Variants in SORCS1 observed in about 807,000 individuals in gnomAD.
SORCS1 encodes the protein VPS10 domain-containing receptor SorCS1.
A neutral mutation model predicts 146.1 loss-of-function variants in SORCS1; 60 were observed. The observed-to-expected ratio is 0.41, with a 90% CI of 0.33 to 0.51. SORCS1 has a LOEUF of 0.51. Ranked by LOEUF, SORCS1 falls within the 20% of genes least tolerant of loss-of-function variation. SORCS1 has a pLI of 0.21. For synonymous variants in SORCS1, 637 were observed against 584.0 expected, an observed-to-expected ratio of 1.09 and a Z score of -1.31; for missense variants, 1,352 against 1,487.6, an observed-to-expected ratio of 0.91 and a Z score of 1.50.
chr10:106,939,098 T>C (rs143699990), intron 2 of SORCS1, among the ~76,000 whole-genome samples: 1 of 152,248 alleles, frequency 6.6e-6, no homozygotes, highest in East Asian at 1.9e-4. Flanking sequence ...CAATACCAAA[T>C]TTAAGAAAAA....
intron 1 of SORCS1, among the ~76,000 whole-genome samples, chr10:107,092,719 C>T (rs1160744121): frequency 6.6e-6 from 1 of 151,990 alleles, no homozygotes; most frequent in Admixed American, 6.6e-5. Context: ...CCATAAGATG[C>T]CAAGTATATC....
At chr10:106,714,084 T>C (rs12241166) in intron 6 of SORCS1, among the ~76,000 whole-genome samples, 5,193 of 118,750 alleles carry the variant, frequency 0.044, 281 homozygotes, top group African/African-American at 0.14. Flanking sequence ...TGCAGTAAGC[T>C]GGGATCACGG....
At chr10:107,079,391 C>A (rs894142082) in intron 1 of SORCS1, among the ~76,000 whole-genome samples, 1 of 152,124 alleles carries the variant, frequency 6.6e-6, no homozygotes, top group African/African-American at 2.4e-5. Context: ...CTACAAACTA[C>A]ACATATTTAA....
intron 2 of SORCS1, among the ~76,000 whole-genome samples, chr10:106,851,031 C>T (rs182998988): frequency 6.6e-6 from 1 of 152,330 alleles, no homozygotes; most frequent in East Asian, 1.9e-4. Context: ...ATCTCCACTG[C>T]CACTACCTTA....
chr10:106,912,869 TG>T lies in SORCS1; in HGVS notation c.626+43643del, dbSNP rs550614952. 3.0e-3 allele frequency among the ~76,000 whole-genome samples: 460 copies of T among 152,006 alleles called. 2 individuals carry two copies. The highest frequency in any genetic ancestry group is 7.0e-3 in the African/African-American group (290 of 41,474). ...AATTTTTGTATTTTTTTAGTAGAGA[TG>T]GGGGTTTCACCATATTGGCCAGGTT... On this transcript the variant is annotated intron_variant, in intron 2 of 25. Transcript: ENST00000263054.
intron 1 of SORCS1, among the ~76,000 whole-genome samples, chr10:106,959,122 T>C (rs1210203990): frequency 6.6e-6 from 1 of 152,164 alleles, no homozygotes; most frequent in Non-Finnish European, 1.5e-5. Context: ...TGGAGCCACT[T>C]GCACAAGCAC....
intron 3 of SORCS1, among the ~76,000 whole-genome samples, chr10:106,788,842 A>G (rs1298127401): frequency 6.6e-6 from 1 of 152,130 alleles, no homozygotes; most frequent in Admixed American, 6.5e-5. Flanking sequence ...TACAGCACCA[A>G]TAGGCAGTGC....
chr10:106,996,441 T>TG (rs1390189608), intron 1 of SORCS1, among the ~76,000 whole-genome samples: 1 of 152,154 alleles, frequency 6.6e-6, no homozygotes, highest in Non-Finnish European at 1.5e-5. Context: ...CAGAAGGGTA[T>TG]GCTACAGACA....
intron 1 of SORCS1, among the ~76,000 whole-genome samples, chr10:106,978,052 T>C (rs1956105754): frequency 6.6e-6 from 1 of 152,188 alleles, no homozygotes; most frequent in Admixed American, 6.5e-5. Flanking sequence ...CAAGCGATTC[T>C]CCTGCCTCAG....
chr10:107,170,350 T>C, the SORCS1 span, among the ~76,000 whole-genome samples: 3 of 152,186 alleles, frequency 2.0e-5, no homozygotes, highest in African/African-American at 7.2e-5. Flanking sequence ...CATTTCACTT[T>C]TGTTGCTTCA....
rs71025561 is a variant in SORCS1, at chr10:106,832,181, C to CTT, written c.627-2510_627-2509dup. Among the ~76,000 whole-genome samples, 432 of 130,342 alleles carry CTT rather than the reference C, an allele frequency of 3.3e-3. 1 individual carries two copies. Among genetic ancestry groups the CTT allele is most frequent in the South Asian group, 4.4e-3 (18 of 4,090 alleles). 85.5% of individuals were successfully genotyped at this position (130,342 alleles called of 152,430 possible). ...CCTAGCCCAGTCCACTTTGTTTTCG[C>CTT]TTTTTTTTTTTTTTTTTTCTTTTTT... On this transcript the variant is annotated intron_variant, in intron 2 of 25. Coordinates refer to ENST00000263054, the MANE Select transcript of SORCS1 (RefSeq NM_052918.5).
At chr10:106,615,232 G>A (rs977286136) in intron 21 of SORCS1, among the ~76,000 whole-genome samples, 1 of 152,080 alleles carries the variant, frequency 6.6e-6, no homozygotes, top group Admixed American at 6.5e-5. Flanking sequence ...AAGGACCTGG[G>A]AGCCATTCCT....
intron 2 of SORCS1, among the ~76,000 whole-genome samples, chr10:106,902,514 T>C (rs1255549092): frequency 2.0e-5 from 3 of 152,260 alleles, no homozygotes; most frequent in East Asian, 1.9e-4. Context: ...GAAAATAATA[T>C]AGAGAGCTTA....
intron 1 of SORCS1, among the ~76,000 whole-genome samples, chr10:106,995,747 A>G (rs1956963096): frequency 2.0e-5 from 3 of 152,186 alleles, no homozygotes; most frequent in Admixed American, 6.5e-5. Context: ...TGGTAGTGAC[A>G]GTAGCAGCAA....
At chr10:106,855,747 T>C (rs1201223261) in intron 2 of SORCS1, among the ~76,000 whole-genome samples, 3 of 152,234 alleles carry the variant, frequency 2.0e-5, no homozygotes, top group Non-Finnish European at 4.4e-5. Flanking sequence ...TTTCCATCTC[T>C]CTGATGACAT....
intron 21 of SORCS1, among the ~76,000 whole-genome samples, chr10:106,616,483 A>G (rs1847370430): frequency 6.6e-6 from 1 of 152,206 alleles, no homozygotes; most frequent in African/African-American, 2.4e-5. Flanking sequence ...CACCTGCTTT[A>G]CACTAGGGTT....
intron 1 of SORCS1, among the ~76,000 whole-genome samples, chr10:107,152,501 A>G (rs1477908590): frequency 6.6e-6 from 1 of 152,114 alleles, no homozygotes; most frequent in African/African-American, 2.4e-5. Context: ...CTGGATGGGG[A>G]CCCCACACAT....
intron 3 of SORCS1, among the ~76,000 whole-genome samples, chr10:106,790,137 G>GT (rs112091601): frequency 0.011 from 1,656 of 152,288 alleles, 28 homozygotes; most frequent in African/African-American, 0.037. Context: ...ACATCATGGT[G>GT]CTTCTCAATT....
intron 11 of SORCS1, 134 bp from the exon 12 acceptor site, chr10:106,679,466 G>T (rs1386488259): frequency 3.2e-6 from 3 of 944,038 alleles, no homozygotes; most frequent in East Asian, 2.6e-5. Flanking sequence ...CTGCAGACTT[G>T]CTTCAGGTCC....
Sources: allele counts gnomAD v4.1 joint callset (sites outside exome capture counted in the v4.1 genomes callset), GRCh38; gene constraint gnomAD v4.1.1; transcripts MANE v1.5; gene names NCBI Gene and HGNC (gene_info 2026-07-23, HGNC 2026-07-21).